Variants in NAIP observed in about 807,000 individuals in gnomAD.
NAIP encodes the protein NLR family apoptosis inhibitory protein.
Under a neutral mutation model 23.0 loss-of-function variants are expected in NAIP, and 15 were observed. The ratio of observed to expected loss-of-function variants is 0.65; its 90% CI spans 0.44 to 1.00. NAIP has a LOEUF of 1.00. Among genes scored for constraint, NAIP ranks in the 50% least tolerant of loss-of-function variants. The probability of loss-of-function intolerance (pLI) is 0.00; values close to 1 mark genes in which losing one functional copy is unlikely to be tolerated. For missense variants in NAIP, 265 were observed against 278.8 expected (o/e 0.95, Z 0.35); for synonymous variants, 100 against 100.2 (o/e 1.00, Z 0.01).
chr5:71,011,851 C>G (rs1355663134), intron 4 of NAIP: 8 of 351,014 alleles, frequency 2.3e-5, no homozygotes, highest in Non-Finnish European at 2.3e-5. Flanking sequence ...CTATGCCTAG[C>G]ATAAAGTAGG....
intron 3 of NAIP, among the ~76,000 whole-genome samples, chr5:71,014,830 G>A (rs1175381629): frequency 6.6e-6 from 1 of 151,532 alleles, no homozygotes; most frequent in African/African-American, 2.4e-5. Flanking sequence ...TTGAACCTGG[G>A]AGGCAGAGGT....
intron 6 of NAIP, chr5:71,003,171 T>C (rs1364664078): frequency 1.6e-4 from 1 of 6,256 alleles, no homozygotes; most frequent in Non-Finnish European, 2.2e-4. Flanking sequence ...GTAAGAGACA[T>C]AGAATGGTAA....
At chr5:71,015,265 G>A (rs1420917308) in intron 3 of NAIP, among the ~76,000 whole-genome samples, 1 of 151,164 alleles carries the variant, frequency 6.6e-6, no homozygotes, top group Admixed American at 6.6e-5. Context: ...TGTAGTCCCA[G>A]CTACTCGGGG....
intron 3 of NAIP, among the ~76,000 whole-genome samples, chr5:71,017,392 T>C (rs1039129477): frequency 9.7e-6 from 1 of 103,554 alleles, no homozygotes; most frequent in Admixed American, 1.1e-4. Flanking sequence ...TAGATTCTGC[T>C]TTTGCATCAT....
chr5:71,014,641 G>A (rs1317785350), intron 3 of NAIP, among the ~76,000 whole-genome samples: 1 of 151,586 alleles, frequency 6.6e-6, no homozygotes. Context: ...AGTGGCTCAT[G>A]CCTGTAATCC....
chr5:71,012,744 G>T lies in NAIP; in HGVS notation c.172C>A (p.Arg58Ser). 1 of 1,611,812 alleles carries T rather than the reference G, an allele frequency of 6.2e-7. No individual in the cohort carries two copies. The highest frequency in any genetic ancestry group is 1.1e-5 in the South Asian group (1 of 90,968). ...GTCTTTAACCTTTTTGCTTCACTGC[G>T]CATTTGAGAGTTGTAGCCTTTCTGC... The part of the protein sequence containing the change: ...KMQKGYNSQM[R>S]SEAKRLKTFV... Residue 58 changes from arginine to serine, a missense_variant, in exon 4 of 17, where the codon CGC becomes AGC. By Grantham distance (110) the Arg-to-Ser change is moderately radical. Transcript: ENST00000517649.
rs184071621 is a variant in NAIP, at chr5:71,013,602, G to T, written c.-3-684C>A. On this transcript the variant is annotated intron_variant, in intron 3 of 16. Coordinates refer to ENST00000517649, the MANE Select transcript of NAIP (RefSeq NM_004536.3). Reference sequence around the variant, plus strand: ...TTGCAGCGAGCCGAGATCGCGCCACGGTACTCCAGCCTGGGTGACAGAGCA... The same window carrying T: ...TTGCAGCGAGCCGAGATCGCGCCACTGTACTCCAGCCTGGGTGACAGAGCA... 3.9e-3 allele frequency among the ~76,000 whole-genome samples: 577 copies of T among 146,812 alleles called. 3 individuals are homozygous for T. The highest frequency in any genetic ancestry group is 0.012 in the African/African-American group (488 of 39,738).
chr5:71,011,381 A>T lies in NAIP; in HGVS notation c.569-7T>A. Reference sequence around the variant, plus strand: ...TGTACCGTGTCCTGTTTACCTATATATGAAGGAAAATATTTAGATTGCCTG... The same window carrying T: ...TGTACCGTGTCCTGTTTACCTATATTTGAAGGAAAATATTTAGATTGCCTG... On this transcript the variant is annotated splice_region_variant and splice_polypyrimidine_tract_variant and intron_variant, in intron 4 of 16. Coordinates refer to ENST00000517649, the MANE Select transcript of NAIP (RefSeq NM_004536.3). 6.3e-7 allele frequency: 1 copy of T among 1,579,178 alleles called. No homozygotes were observed. The highest frequency in any genetic ancestry group is 8.6e-7 in the Non-Finnish European group (1 of 1,156,610).
intron 3 of NAIP, 58 bp from the exon 4 acceptor site, chr5:71,012,976 A>G: frequency 7.2e-6 from 10 of 1,383,814 alleles, no homozygotes. Context: ...TTAGAAGAGC[A>G]TTTCCCACTG....
At position 71,012,371 on chromosome 5, in the gene NAIP, G is replaced by A. The variant is rs1333797455; in HGVS notation, c.545C>T (p.Ser182Leu). The stretch of plus-strand genomic sequence containing the variant: ...ACCTGTAAAGACAAAGCCAGCCTCT[G>A]AGAGCACACAAGGGGATATCCCTTG... ...YVQGISPCVL[S>L]EAGFVFTGKQ... is the part of the protein sequence containing the mutation. Residue 182 changes from serine (S) to leucine (L), a missense_variant, in exon 4 of 17, where the codon TCA becomes TTA. Around this residue, in one of 2 missense-constraint regions of NAIP, gnomAD observed 261 missense variants for 259.2 expected, o/e 1.01. Transcript: ENST00000517649. 8 of 1,609,146 alleles carry A rather than the reference G, an allele frequency of 5.0e-6. 1 individual carries two copies. The highest frequency in any genetic ancestry group is 3.4e-5 in the Admixed American group (2 of 59,576).
chr5:71,011,595 C>T, intron 4 of NAIP: 1 of 550,434 alleles, frequency 1.8e-6, no homozygotes, highest in South Asian at 2.5e-5. Flanking sequence ...ACTCAATATC[C>T]TGCCCCAGCT....
At chr5:71,011,417 C>G (rs1561516994) in intron 4 of NAIP, 43 bp from the exon 5 acceptor site, 3 of 1,453,490 alleles carry the variant, frequency 2.1e-6, no homozygotes, top group African/African-American at 2.8e-5. Context: ...GCAGTGGCAC[C>G]AGGGGGTATG....
At chr5:71,000,555 A>G (rs1445693619) in intron 8 of NAIP, among the ~76,000 whole-genome samples, 5 of 128,450 alleles carry the variant, frequency 3.9e-5, no homozygotes, top group Admixed American at 2.4e-4. Flanking sequence ...AATTATTATT[A>G]TTATTATTAT....
chr5:71,013,227 G>A (rs1751253054), intron 3 of NAIP, among the ~76,000 whole-genome samples: 1 of 151,394 alleles, frequency 6.6e-6, no homozygotes, highest in Non-Finnish European at 1.5e-5. Context: ...GGTAACATGA[G>A]CATATACTGA....
intron 4 of NAIP, chr5:71,011,699 T>A: frequency 2.1e-6 from 1 of 466,916 alleles, no homozygotes; most frequent in Non-Finnish European, 4.0e-6. Flanking sequence ...TAACGTGCAA[T>A]TAGAAAACCT....
intron 3 of NAIP, among the ~76,000 whole-genome samples, chr5:71,014,555 G>A (rs771901597): frequency 1.3e-5 from 2 of 151,610 alleles, no homozygotes; most frequent in Non-Finnish European, 2.9e-5. Context: ...TTCCAATTCA[G>A]TCTTAGCTGG....
intron 3 of NAIP, among the ~76,000 whole-genome samples, chr5:71,013,744 C>T (rs1035824631): frequency 1.3e-5 from 2 of 151,226 alleles, no homozygotes; most frequent in Admixed American, 1.3e-4. Flanking sequence ...GTCAAATCCC[C>T]ATGACCATCC....
chr5:71,010,687 C>T (rs1166057081), intron 5 of NAIP, among the ~76,000 whole-genome samples: 1 of 151,502 alleles, frequency 6.6e-6, no homozygotes, highest in East Asian at 1.9e-4. Flanking sequence ...TGTGGGCCAC[C>T]ACTTCCAGCC....
chr5:71,012,770 AT>A lies in NAIP; in HGVS notation c.145del (p.Met49CysfsTer16). 6.2e-7 allele frequency: 1 copy of A among 1,611,874 alleles called. No homozygotes were observed. Among genetic ancestry groups the A allele is most frequent in the Non-Finnish European group, 8.5e-7 (1 of 1,178,494 alleles). On this transcript the variant is annotated frameshift_variant, in exon 4 of 17. Coordinates refer to ENST00000517649, the MANE Select transcript of NAIP (RefSeq NM_004536.3). LOFTEE classifies it high-confidence loss of function. ...CATTTGAGAGTTGTAGCCTTTCTGC[AT>A]TTTTGCTCGCTCCTTCTGCTCCTCT... ...EEEEQKERAK[M>X]QKGYNSQMRS...
Sources: allele counts gnomAD v4.1 joint callset (sites outside exome capture counted in the v4.1 genomes callset), GRCh38; gene constraint gnomAD v4.1.1; regional missense constraint gnomAD v4.1.1; transcripts MANE v1.5; gene names NCBI Gene and HGNC (gene_info 2026-07-23, HGNC 2026-07-21).